RIC1: variants seen among roughly 807,000 people sequenced by gnomAD.
RIC1 encodes the protein RIC1 partner of RAB6A GEF complex, also known as guanine nucleotide exchange factor subunit RIC1.
Under a neutral mutation model 169.0 loss-of-function variants are expected in RIC1, and 88 were observed. The observed-to-expected ratio is 0.52, with a 90% CI of 0.44 to 0.62. The LOEUF (loss-of-function observed/expected upper bound fraction) is 0.62. RIC1 is among the 20% of genes least tolerant of loss of function. The pLI, the probability that RIC1 is intolerant of heterozygous loss-of-function variation, is 0.00. For missense variants in RIC1, 1,877 were observed against 1,725.5 expected (o/e 1.09, Z -1.56); for synonymous variants, 790 against 601.5 (o/e 1.31, Z -4.59).
At chr9:5,743,930 C>CTGA (rs1219700919) in intron 10 of RIC1, among the ~76,000 whole-genome samples, 193 bp downstream of exon 10, 1 of 152,098 alleles carries the variant, frequency 6.6e-6, no homozygotes, top group East Asian at 1.9e-4. Flanking sequence ...TTCCAAGTAG[C>CTGA]TGAGACTCTA....
At chr9:5,753,345 G>T in intron 13 of RIC1, 107 bp downstream of exon 13, 1 of 1,045,844 alleles carries the variant, frequency 9.6e-7, no homozygotes, top group Non-Finnish European at 1.5e-6. Context: ...TAAAACTCTT[G>T]ATCTATTGTA....
intron 7 of RIC1, among the ~76,000 whole-genome samples, chr9:5,735,093 C>T (rs1824619047): frequency 1.3e-5 from 2 of 151,962 alleles, no homozygotes; most frequent in Non-Finnish European, 2.9e-5. Flanking sequence ...CTTTAGTTAC[C>T]TTTTAACTAC....
At chr9:5,685,612 T>A (rs892718672) in intron 2 of RIC1, among the ~76,000 whole-genome samples, 37 of 151,630 alleles carry the variant, frequency 2.4e-4, no homozygotes, top group African/African-American at 8.7e-4. Context: ...TTACACCTTA[T>A]ACAAAAATCA....
chr9:5,688,830 A>C (rs1342406577), intron 2 of RIC1, among the ~76,000 whole-genome samples: 4 of 152,104 alleles, frequency 2.6e-5, no homozygotes, highest in Non-Finnish European at 5.9e-5. Flanking sequence ...CCTCCCTCTA[A>C]AATGATAGGA....
intron 2 of RIC1, among the ~76,000 whole-genome samples, chr9:5,678,045 T>A (rs961805761): frequency 6.6e-6 from 1 of 151,098 alleles, no homozygotes; most frequent in African/African-American, 2.4e-5. Flanking sequence ...CCCCTTCCTG[T>A]GTCCATGTGT....
intron 2 of RIC1, among the ~76,000 whole-genome samples, chr9:5,688,761 A>G (rs1821410368): frequency 6.6e-6 from 1 of 152,176 alleles, no homozygotes; most frequent in South Asian, 2.1e-4. Context: ...ATTAGAAAGT[A>G]ATTTGAAACC....
At chr9:5,633,038 T>C (rs566208235) in intron 1 of RIC1, among the ~76,000 whole-genome samples, 1 of 152,336 alleles carries the variant, frequency 6.6e-6, no homozygotes, top group South Asian at 2.1e-4. Flanking sequence ...TGTTAGTGTG[T>C]TAATATAAAT....
intron 12 of RIC1, among the ~76,000 whole-genome samples, chr9:5,752,429 C>G (rs1417445758): frequency 6.6e-6 from 1 of 151,148 alleles, no homozygotes; most frequent in African/African-American, 2.4e-5. Flanking sequence ...TGCATAATTT[C>G]ATAAGTTTTT....
intron 2 of RIC1, among the ~76,000 whole-genome samples, chr9:5,658,698 A>G (rs1032072355): frequency 1.2e-4 from 19 of 152,158 alleles, no homozygotes; most frequent in Non-Finnish European, 1.5e-5. Context: ...TTGTGAAAAT[A>G]TAAGACTTTT....
chr9:5,656,395 A>T (rs1487840352), intron 1 of RIC1, among the ~76,000 whole-genome samples, 188 bp from the exon 2 acceptor site: 1 of 152,164 alleles, frequency 6.6e-6, no homozygotes, highest in East Asian at 1.9e-4. Flanking sequence ...TTAATAATAC[A>T]GGCGTAGGTT....
chr9:5,675,758 A>G (rs1444377981), intron 2 of RIC1, among the ~76,000 whole-genome samples: 1 of 152,194 alleles, frequency 6.6e-6, no homozygotes, highest in Non-Finnish European at 1.5e-5. Context: ...ATATGTAAAA[A>G]CTAATGTACC....
intron 1 of RIC1, among the ~76,000 whole-genome samples, chr9:5,655,351 A>T (rs1489813550): frequency 1.3e-5 from 2 of 152,118 alleles, no homozygotes; most frequent in Non-Finnish European, 2.9e-5. Context: ...CCCAGGCTGG[A>T]GTGCAGTCTC....
intron 1 of RIC1, among the ~76,000 whole-genome samples, chr9:5,655,342 C>T (rs150094994): frequency 6.6e-6 from 1 of 152,020 alleles, no homozygotes; most frequent in Non-Finnish European, 1.5e-5. Flanking sequence ...GCTCTTTTGC[C>T]CAGGCTGGAG....
intron 12 of RIC1, chr9:5,748,741 A>C (rs911061472): frequency 1.3e-5 from 2 of 152,632 alleles, no homozygotes; most frequent in Non-Finnish European, 2.9e-5. Flanking sequence ...AAAATCGATC[A>C]GGCAATAACA....
At chr9:5,635,487 A>G (rs1817929066) in intron 1 of RIC1, among the ~76,000 whole-genome samples, 2 of 152,162 alleles carry the variant, frequency 1.3e-5, no homozygotes, top group African/African-American at 2.4e-5. Context: ...AAGATTGACT[A>G]TATATGCATG....
chr9:5,630,718 C>T (rs10975206), intron 1 of RIC1, among the ~76,000 whole-genome samples: 4 of 152,088 alleles, frequency 2.6e-5, no homozygotes, highest in African/African-American at 9.7e-5. Context: ...ACTATTTTGT[C>T]TAGTGCCTGA....
At chr9:5,721,770 T>C (rs1823604493) in intron 6 of RIC1, among the ~76,000 whole-genome samples, 1 of 152,202 alleles carries the variant, frequency 6.6e-6, no homozygotes, top group African/African-American at 2.4e-5. Flanking sequence ...GCCTTGTTCT[T>C]TACATTTGCT....
chr9:5,761,498 A>T (rs369347282), intron 17 of RIC1, among the ~76,000 whole-genome samples: 34 of 152,210 alleles, frequency 2.2e-4, no homozygotes, highest in African/African-American at 8.2e-4. Flanking sequence ...TGGAATTCTT[A>T]AGAATTTTTT....
chr9:5,751,414 G>A (rs1372143905), intron 12 of RIC1, among the ~76,000 whole-genome samples: 1 of 151,890 alleles, frequency 6.6e-6, no homozygotes, highest in East Asian at 1.9e-4. Context: ...GGAGTGCAGT[G>A]GTGCAATCTC....
Sources: gnomAD v4.1 joint callset for allele counts (sites outside exome capture counted in the v4.1 genomes callset) on GRCh38, gnomAD v4.1.1 for gene constraint, MANE v1.5 for transcripts, NCBI Gene and HGNC (gene_info 2026-07-23, HGNC 2026-07-21) for gene names.